Variants in TKTL1 observed in about 807,000 individuals in gnomAD.
TKTL1 encodes transketolase like 1, also known as transketolase-like protein 1.
Under a neutral mutation model 39.3 loss-of-function variants are expected in TKTL1, and 1 was observed. That is an observed-to-expected ratio of 0.03 (90% CI 0.01 to 0.12). TKTL1 has a LOEUF of 0.12. Among genes scored for constraint, TKTL1 ranks in the 10% least tolerant of loss-of-function variants. TKTL1 has a pLI of 1.00. For synonymous variants in TKTL1, 262 were observed against 193.8 expected (o/e 1.35, Z -2.92); for missense variants, 575 against 509.6 (o/e 1.13, Z -1.24).
chrX:154,301,723 C>T (rs968420015), intron 1 of TKTL1, among the ~76,000 whole-genome samples: 3 of 108,954 alleles, frequency 2.8e-5, no homozygotes, highest in African/African-American at 1.0e-4. Context: ...AGGACATTTG[C>T]AAAGCAAGAG....
At chrX:154,322,795 T>A (rs2067462001) in intron 8 of TKTL1, among the ~76,000 whole-genome samples, 1 of 111,563 alleles carries the variant, frequency 9.0e-6, no homozygotes, top group South Asian at 3.7e-4. Context: ...AAAGACCACT[T>A]TGGTATGCAA....
chrX:154,322,537 A>G (rs1053276409), intron 8 of TKTL1, among the ~76,000 whole-genome samples: 1 of 111,164 alleles, frequency 9.0e-6, no homozygotes, highest in South Asian at 3.8e-4. Flanking sequence ...TCTCAAAATA[A>G]TAATAGTTAA....
In TKTL1 at chrX:154,327,081, T is replaced by C. The variant is rs782762293; in HGVS notation, c.1402-510T>C. 4.9e-4 allele frequency: 103 copies of C among 209,890 alleles called. 1 individual carries two copies. Among genetic ancestry groups the C allele is most frequent in the Non-Finnish European group, 7.6e-4 (85 of 112,150 alleles). 17.3% of individuals were successfully genotyped at this position (209,890 alleles called of 1,213,427 possible). ...AGGAACTCTGTCTTTGCTTGCAGAA[T>C]AGTACGTTGTCGAGAGCGAGGGCTT... On this transcript the variant is annotated intron_variant, in intron 10 of 12. Transcript: ENST00000369915.
intron 5 of TKTL1, 146 bp downstream of exon 5, chrX:154,311,384 C>T: frequency 1.2e-6 from 1 of 841,601 alleles, no homozygotes; most frequent in East Asian, 3.2e-5. Context: ...GAGGCTCCTG[C>T]TCTCTTATTT....
chrX:154,314,694 T>C (rs1482703525), intron 6 of TKTL1, among the ~76,000 whole-genome samples: 3 of 110,741 alleles, frequency 2.7e-5, no homozygotes, highest in African/African-American at 9.9e-5. Flanking sequence ...CCAGCTAATT[T>C]TTGTATTTTT....
At chrX:154,299,332 T>G (rs2067255563) in intron 1 of TKTL1, among the ~76,000 whole-genome samples, 1 of 108,311 alleles carries the variant, frequency 9.2e-6, no homozygotes, top group African/African-American at 3.4e-5. Context: ...ATTTTGTGTT[T>G]TTAGTAGAGA....
At chrX:154,329,400 T>G in intron 12 of TKTL1, 116 bp from the exon 13 acceptor site, 67 of 764,895 alleles carry the variant, frequency 8.8e-5, no homozygotes, top group Non-Finnish European at 2.1e-5. Context: ...GGAGTGGCTG[T>G]TCACATGAAT....
chrX:154,310,760 T>G (rs187745349), intron 3 of TKTL1, 76 bp from the exon 4 acceptor site: 351 of 926,268 alleles, frequency 3.8e-4, no homozygotes, highest in Non-Finnish European at 5.1e-4. Flanking sequence ...CGTCCGTTTC[T>G]CCTCCTGAAA....
At chrX:154,318,360 C>G (rs2067419125) in intron 7 of TKTL1, among the ~76,000 whole-genome samples, 1 of 110,679 alleles carries the variant, frequency 9.0e-6, no homozygotes, top group Non-Finnish European at 1.9e-5. Context: ...CACCTGTAAT[C>G]CCGGCACTTT....
intron 1 of TKTL1, among the ~76,000 whole-genome samples, chrX:154,301,086 G>A (rs2067270028): frequency 9.0e-6 from 1 of 111,360 alleles, no homozygotes; most frequent in African/African-American, 3.3e-5. Context: ...TATTTATTTC[G>A]CCATTGGCTT....
chrX:154,314,390 CAGTG>C (rs781927235), intron 6 of TKTL1, among the ~76,000 whole-genome samples: 3 of 111,510 alleles, frequency 2.7e-5, no homozygotes, highest in Non-Finnish European at 5.7e-5. Context: ...TTAAATGAAT[CAGTG>C]AGCTCAAATT....
At chrX:154,312,401 A>G (rs887714318) in intron 5 of TKTL1, among the ~76,000 whole-genome samples, 179 bp from the exon 6 acceptor site, 1 of 112,324 alleles carries the variant, frequency 8.9e-6, no homozygotes, top group African/African-American at 3.2e-5. Context: ...AAAAAGCCTC[A>G]GGGCCTTTGT....
At chrX:154,316,802 C>G (rs782433511) in intron 7 of TKTL1, among the ~76,000 whole-genome samples, 9 of 103,955 alleles carry the variant, frequency 8.7e-5, no homozygotes, top group Non-Finnish European at 1.4e-4. Flanking sequence ...GTCTCTCTCT[C>G]TCTCTCACCG....
At chrX:154,320,195 TGTG>T (rs1390514663) in intron 7 of TKTL1, 7 of 112,645 alleles carry the variant, frequency 6.2e-5, no homozygotes, top group African/African-American at 1.9e-4. Context: ...CGAGGTCCCT[TGTG>T]GGGATGGTGG....
At chrX:154,317,541 T>G (rs782738147) in intron 7 of TKTL1, among the ~76,000 whole-genome samples, 12 of 112,304 alleles carry the variant, frequency 1.1e-4, no homozygotes, top group Non-Finnish European at 2.3e-4. Context: ...GGCGCCCTTT[T>G]CAGTATCTCT....
chrX:154,318,640 A>G (rs1376823921), intron 7 of TKTL1, among the ~76,000 whole-genome samples: 4 of 104,302 alleles, frequency 3.8e-5, no homozygotes, highest in Non-Finnish European at 5.9e-5. Context: ...CCCGGGAGGC[A>G]GAGCTTGCAG....
chrX:154,299,149 C>CTTTTTTTTTT (rs1180562974), intron 1 of TKTL1, among the ~76,000 whole-genome samples: 23 of 35,888 alleles, frequency 6.4e-4, no homozygotes, highest in East Asian at 8.1e-4. Flanking sequence ...CTTTTTCTTT[C>CTTTTTTTTTT]TTTTTTTTTT....
chrX:154,305,561 T>TTA, intron 2 of TKTL1, 140 bp downstream of exon 2: 1 of 771,484 alleles, frequency 1.3e-6, no homozygotes, highest in Non-Finnish European at 1.8e-6. Context: ...AAAGCTCGAG[T>TTA]GTTCTAGTGA....
chrX:154,316,155 C>T (rs12558211), intron 7 of TKTL1, among the ~76,000 whole-genome samples: 24,059 of 110,559 alleles, frequency 0.22, 2,080 homozygotes, highest in South Asian at 0.54. Flanking sequence ...CTGCAAGCTC[C>T]GCCTCCTGGG....
Sources: allele counts gnomAD v4.1 joint callset (sites outside exome capture counted in the v4.1 genomes callset), GRCh38; gene constraint gnomAD v4.1.1; transcripts MANE v1.5; gene names NCBI Gene and HGNC (gene_info 2026-07-23, HGNC 2026-07-21).